NIPA1: variants seen among roughly 807,000 people sequenced by gnomAD.
NIPA1 encodes NIPA magnesium transporter 1, also known as magnesium transporter NIPA1.
In NIPA1, 13 loss-of-function variants were observed where a neutral mutation model predicts 23.9. The observed-to-expected ratio is 0.54, with a 90% CI of 0.35 to 0.87. NIPA1 has a LOEUF of 0.87. Ranked by LOEUF, NIPA1 falls within the 40% of genes least tolerant of loss-of-function variation. The pLI is 0.01. For synonymous variants in NIPA1, 234 were observed against 202.9 expected (o/e 1.15, Z -1.30); for missense variants, 362 against 429.7 (o/e 0.84, Z 1.39).
intron 1 of NIPA1, among the ~76,000 whole-genome samples, chr15:22,789,208 C>T (rs1207108684): frequency 5.9e-5 from 9 of 151,914 alleles, no homozygotes; most frequent in African/African-American, 7.3e-5. Context: ...AGGATGGTCC[C>T]GAACTCCAGA....
At chr15:22,799,607 C>T (rs1172123375) in intron 1 of NIPA1, among the ~76,000 whole-genome samples, 1 of 151,908 alleles carries the variant, frequency 6.6e-6, no homozygotes, top group Non-Finnish European at 1.5e-5. Context: ...ACGGTGAAAC[C>T]CCATCTCTAC....
rs1555371616 is a variant in NIPA1, at chr15:22,786,701, G to A, written c.45G>A (p.Ala15=). 2 of 1,122,302 alleles carry A rather than the reference G, an allele frequency of 1.8e-6. No homozygotes were observed. Among genetic ancestry groups the A allele is most frequent in the Non-Finnish European group, 2.2e-6 (2 of 917,110 alleles). 69.5% of individuals were successfully genotyped at this position (1,122,302 alleles called of 1,614,324 possible). The change falls in exon 1 of 5, where the codon GCG becomes GCA. Residue 15 remains alanine, a synonymous_variant. Transcript: ENST00000337435. The stretch of plus-strand genomic sequence containing the variant: ...CAGCGGCGGCGGCGGCGGCGGCGGC[G>A]GCCGGGGAGGGGGCGCGTAGCCCGA... The part of the protein sequence containing the change: ...AAAAAAAAAA[A]AGEGARSPSP...
rs906997994 is a variant in NIPA1 at position 22,799,177 on chromosome 15, T to A, written c.179-11572T>A. Among the ~76,000 whole-genome samples the A allele has an allele frequency of 5.9e-5, 9 of 152,284 alleles. No individual in the cohort carries two copies. In the East Asian group the frequency reaches 1.2e-3, roughly 20 times the overall value. ...CAATAGCAGTGTCATGGAATTAACC[T>A]AAGTGTTCACCGACAGTTGACCAGA... On this transcript the variant is annotated intron_variant, in intron 1 of 4. Transcript: ENST00000337435.
intron 4 of NIPA1, among the ~76,000 whole-genome samples, chr15:22,822,250 A>G (rs1895553717): frequency 6.6e-6 from 1 of 152,224 alleles, no homozygotes; most frequent in Admixed American, 6.5e-5. Context: ...TGTTTCATAC[A>G]TAAAATAGTT....
intron 1 of NIPA1, among the ~76,000 whole-genome samples, chr15:22,808,676 A>ATTTTTTTTTTTTTTTT (rs1566783277): frequency 1.9e-5 from 1 of 52,602 alleles, no homozygotes. Flanking sequence ...AAATAGCAAT[A>ATTTTTTTTTTTTTTTT]TTCTTTTTTT....
At chr15:22,815,892 A>G (rs1236565886) in intron 3 of NIPA1, among the ~76,000 whole-genome samples, 1 of 152,118 alleles carries the variant, frequency 6.6e-6, no homozygotes, top group Non-Finnish European at 1.5e-5. Flanking sequence ...ACAATTCAAT[A>G]CTCTTTCATG....
chr15:22,798,630 C>T (rs1894994877), intron 1 of NIPA1, among the ~76,000 whole-genome samples: 4 of 148,556 alleles, frequency 2.7e-5, no homozygotes, highest in South Asian at 2.1e-4. Context: ...GGGTGGATCA[C>T]GAGGTCAGGA....
At chr15:22,794,164 A>G in intron 1 of NIPA1, among the ~76,000 whole-genome samples, 1 of 152,100 alleles carries the variant, frequency 6.6e-6, no homozygotes, top group Non-Finnish European at 1.5e-5. Context: ...CCTAGCAACC[A>G]GGTGTCATCA....
intron 1 of NIPA1, among the ~76,000 whole-genome samples, chr15:22,792,841 C>T (rs1317202295): frequency 6.6e-6 from 1 of 151,990 alleles, no homozygotes; most frequent in Non-Finnish European, 1.5e-5. Context: ...GTAATCCAAG[C>T]TACTTGGGAG....
chr15:22,821,919 T>G (rs1458920313), intron 4 of NIPA1, among the ~76,000 whole-genome samples: 1 of 152,150 alleles, frequency 6.6e-6, no homozygotes, highest in Non-Finnish European at 1.5e-5. Flanking sequence ...AAAGGAGAAA[T>G]ACCAGGACAA....
chr15:22,787,979 C>T (rs541455404), intron 1 of NIPA1, among the ~76,000 whole-genome samples: 45 of 152,124 alleles, frequency 3.0e-4, no homozygotes, highest in African/African-American at 9.6e-4. Context: ...TAAATAAAAC[C>T]AAGTATGATT....
At chr15:22,803,782 C>G (rs1347811948) in intron 1 of NIPA1, among the ~76,000 whole-genome samples, 2 of 147,752 alleles carry the variant, frequency 1.4e-5, no homozygotes, top group Non-Finnish European at 3.0e-5. Flanking sequence ...CAAGTTCATG[C>G]CATTCTCCTG....
chr15:22,820,467 A>G lies in NIPA1; in HGVS notation c.472A>G (p.Asn158Asp). 1.2e-6 allele frequency: 2 copies of G among 1,613,206 alleles called. No individual in the cohort carries two copies. The change falls in exon 4 of 5, where the codon AAT (asparagine) becomes GAT (aspartate). Residue 158 changes from asparagine (N) to aspartate (D), a missense_variant. Asn to Asp is a conservative substitution (Grantham distance 23). This residue lies in a region of NIPA1 where 277 missense variants were observed against 372.0 expected (regional missense o/e 0.74). Coordinates refer to ENST00000337435, the MANE Select transcript of NIPA1 (RefSeq NM_144599.5). ...GGCTGAGCTGGAGGAAAAGCTGACC[A>G]ATCCAGGTAATTCCTTTCTAGCAGC... ...TQAELEEKLT[N>D]PVFVGYLCIV...
rs923733816 is a variant in NIPA1, at chr15:22,786,671, TGCGGCAGCGGCGGCG to T, written c.21_35del (p.Ala12_Ala16del). ...GCGCGGGCGGAATGGGGACTGCAGC[TGCGGCAGCGGCGGCG>T]GCGGCGGCGGCGGCGGCCGGGGAGG... is the stretch of plus-strand genomic sequence containing the variant. On this transcript the variant is annotated inframe_deletion, in exon 1 of 5. Transcript: ENST00000337435. 4 of 1,065,912 alleles carry T rather than the reference TGCGGCAGCGGCGGCG, an allele frequency of 3.8e-6. No homozygotes were observed. Among genetic ancestry groups the T allele is most frequent in the Admixed American group, 4.9e-5 (1 of 20,432 alleles). 66.0% of individuals were successfully genotyped at this position (1,065,912 alleles called of 1,614,324 possible).
intron 1 of NIPA1, among the ~76,000 whole-genome samples, chr15:22,798,518 C>T (rs71400452): frequency 0.15 from 22,655 of 147,378 alleles, 1,962 homozygotes; most frequent in Admixed American, 0.23. Context: ...GGATTACAGG[C>T]ATGAGCCACT....
At chr15:22,822,008 AC>A (rs1236862981) in intron 4 of NIPA1, among the ~76,000 whole-genome samples, 2 of 152,152 alleles carry the variant, frequency 1.3e-5, no homozygotes, top group African/African-American at 2.4e-5. Flanking sequence ...AAGCTGGCCG[AC>A]CCCACACCTT....
At chr15:22,812,046 A>G in intron 2 of NIPA1, 117 bp from the exon 3 acceptor site, 1 of 814,360 alleles carries the variant, frequency 1.2e-6, no homozygotes, top group Admixed American at 2.0e-5. Context: ...GTGATTCTTC[A>G]CAAGTAATGT....
intron 1 of NIPA1, among the ~76,000 whole-genome samples, chr15:22,799,634 TAGCC>T (rs1334488705): frequency 1.3e-5 from 2 of 151,678 alleles, no homozygotes; most frequent in Non-Finnish European, 2.9e-5. Flanking sequence ...TACAAAAAAT[TAGCC>T]AGGTGTGGCG....
At chr15:22,802,662 A>C in intron 1 of NIPA1, among the ~76,000 whole-genome samples, 2 of 152,196 alleles carry the variant, frequency 1.3e-5, no homozygotes, top group Middle Eastern at 6.8e-3. Context: ...CAGCCCAGTG[A>C]AGAAATTGAT....
Sources: gnomAD v4.1 joint callset for allele counts (sites outside exome capture counted in the v4.1 genomes callset) on GRCh38, gnomAD v4.1.1 for gene constraint, gnomAD v4.1.1 regional missense constraint, MANE v1.5 for transcripts, NCBI Gene and HGNC (gene_info 2026-07-23, HGNC 2026-07-21) for gene names.